TIGAR: variants seen among roughly 807,000 people sequenced by gnomAD.
The protein encoded by TIGAR is TP53 induced glycolysis regulatory phosphatase.
A neutral mutation model predicts 17.9 loss-of-function variants in TIGAR; 7 were observed. That is an observed-to-expected ratio of 0.39 (90% CI 0.22 to 0.73). The LOEUF (loss-of-function observed/expected upper bound fraction) is 0.73, where lower values mean the gene tolerates loss of function less well. TIGAR is among the 30% of genes least tolerant of loss of function. The probability of loss-of-function intolerance (pLI) is 0.42; values close to 1 mark genes in which losing one functional copy is unlikely to be tolerated. For synonymous variants in TIGAR, 94 were observed against 108.6 expected, an observed-to-expected ratio of 0.87 and a Z score of 0.84; for missense variants, 258 against 327.4, an observed-to-expected ratio of 0.79 and a Z score of 1.64.
At chr12:4,351,472 A>C (rs181424587) in intron 5 of TIGAR, 95 bp downstream of exon 5, 2 of 909,246 alleles carry the variant, frequency 2.2e-6, no homozygotes, top group Non-Finnish European at 3.4e-6. Context: ...TGCTTGGTTC[A>C]TTCTCTTTTC....
rs1205444610 is a variant in TIGAR, at chr12:4,338,132, T to TA, written c.192+981dup. 1.1e-4 allele frequency among the ~76,000 whole-genome samples: 9 copies of TA among 78,836 alleles called. No homozygotes were observed. The East Asian group carries it at 2.4e-3, about 21-fold the overall frequency. 51.7% of individuals were successfully genotyped at this position (78,836 alleles called of 152,430 possible). A position where few individuals can be genotyped will look rare whatever the true frequency, so the allele number is the denominator to read the frequency against. ...CAGAGCAAGACTCTTGTCTCGAAAA[T>TA]AAAAAAAAAGTAAAATTAAAAACGA... On this transcript the variant is annotated intron_variant, in intron 3 of 5. Transcript: ENST00000179259.
At chr12:4,349,733 C>A in intron 3 of TIGAR, 86 bp from the exon 4 acceptor site, 1 of 1,148,226 alleles carries the variant, frequency 8.7e-7, no homozygotes, top group Non-Finnish European at 1.2e-6. Context: ...CTTTTTTATT[C>A]ACTAAGATGA....
At chr12:4,324,239 A>G (rs201396064) in intron 1 of TIGAR, 4 of 611,680 alleles carry the variant, frequency 6.5e-6, no homozygotes, top group Non-Finnish European at 8.6e-6. Flanking sequence ...ACCATCACCT[A>G]TCCAGCACTA....
intron 1 of TIGAR, chr12:4,324,386 T>C: frequency 8.8e-7 from 1 of 1,142,646 alleles, no homozygotes; most frequent in East Asian, 2.3e-5. Context: ...TTGAGGGGGA[T>C]GAAGCGGGAG....
chr12:4,328,092 A>G (rs185537971), intron 1 of TIGAR, among the ~76,000 whole-genome samples: 23 of 152,336 alleles, frequency 1.5e-4, no homozygotes, highest in African/African-American at 5.5e-4. Flanking sequence ...CAGGTTCCCC[A>G]TGTTTGCCCT....
chr12:4,324,249 ACTGAAGGGT>A, intron 1 of TIGAR: 1 of 620,044 alleles, frequency 1.6e-6, no homozygotes, highest in Non-Finnish European at 2.8e-6. Flanking sequence ...ATCCAGCACT[ACTGAAGGGT>A]CTGGTTCCTT....
At chr12:4,323,384 T>C (rs1359892816) in intron 1 of TIGAR, among the ~76,000 whole-genome samples, 1 of 152,228 alleles carries the variant, frequency 6.6e-6, no homozygotes, top group Non-Finnish European at 1.5e-5. Flanking sequence ...GTCATATAAA[T>C]ATGGATTTTA....
intron 2 of TIGAR, among the ~76,000 whole-genome samples, chr12:4,336,260 T>C (rs563204357): frequency 7.2e-5 from 11 of 152,322 alleles, no homozygotes; most frequent in African/African-American, 1.9e-4. Context: ...CCAAGAATGT[T>C]GTGTTTAGTC....
intron 2 of TIGAR, 134 bp downstream of exon 2, chr12:4,331,451 C>T (rs2120656069): frequency 1.2e-6 from 1 of 811,388 alleles, no homozygotes; most frequent in Non-Finnish European, 2.1e-6. Context: ...ATCAAAGCAT[C>T]ATAACCACAG....
chr12:4,325,565 A>AC (rs1338768660), intron 1 of TIGAR, among the ~76,000 whole-genome samples: 3 of 151,602 alleles, frequency 2.0e-5, no homozygotes, highest in African/African-American at 7.3e-5. Flanking sequence ...ACATGGTGAA[A>AC]CCCCGTCTCT....
At position 4,334,223 on chromosome 12, in the gene TIGAR, CTG is replaced by C. The variant is rs568815141; in HGVS notation, c.71-2813_71-2812del. On this transcript the variant is annotated intron_variant, in intron 2 of 5. Coordinates refer to ENST00000179259, the MANE Select transcript of TIGAR (RefSeq NM_020375.3). ...CTTAAACAATACACAGTTCTAGAGA[CTG>C]TGAATTCCAAGATCAGGGTGCCAGC... Among the ~76,000 whole-genome samples, 122 of 152,304 alleles carry C rather than the reference CTG, an allele frequency of 8.0e-4. 2 individuals are homozygous for C. Among genetic ancestry groups the C allele is most frequent in the South Asian group, 5.0e-3 (24 of 4,826 alleles).
At chr12:4,334,313 C>T (rs1864635755) in intron 2 of TIGAR, among the ~76,000 whole-genome samples, 1 of 152,122 alleles carries the variant, frequency 6.6e-6, no homozygotes, top group African/African-American at 2.4e-5. Context: ...TGGTTAATAT[C>T]CTCACATGGC....
chr12:4,323,102 C>CAAAAAAA (rs574120048), intron 1 of TIGAR, among the ~76,000 whole-genome samples: 1 of 90,978 alleles, frequency 1.1e-5, no homozygotes, highest in African/African-American at 4.1e-5. Flanking sequence ...CTCCTCTCTA[C>CAAAAAAA]AAAAAAAAAA....
chr12:4,330,873 C>T (rs1240083409), intron 1 of TIGAR, among the ~76,000 whole-genome samples: 2 of 152,192 alleles, frequency 1.3e-5, no homozygotes, highest in Non-Finnish European at 2.9e-5. Flanking sequence ...GATTCTCTTT[C>T]ACTTGCTCAT....
intron 4 of TIGAR, 138 bp from the exon 5 acceptor site, chr12:4,351,129 T>A: frequency 1.4e-6 from 1 of 723,518 alleles, no homozygotes; most frequent in Non-Finnish European, 2.3e-6. Flanking sequence ...CATTATCAGT[T>A]CAGAGGAGAT....
rs773816230 is a variant in TIGAR at position 4,359,031 on chromosome 12, C to T, written c.*6340C>T. Among the ~76,000 whole-genome samples, 9 of 151,778 alleles carry T rather than the reference C, an allele frequency of 5.9e-5. No individual in the cohort carries two copies. The highest frequency in any genetic ancestry group is 1.0e-4 in the Non-Finnish European group (7 of 67,988). ...CTTGGTCATGTCAGGAGGGACAGGA[C>T]GTTGTATCAATATGTCTGGTTCCTC... On this transcript the variant is annotated 3_prime_UTR_variant, in exon 6 of 6. Transcript: ENST00000179259.
At position 4,352,289 on chromosome 12, in the gene TIGAR, A is replaced by C. The variant is rs1324158911; in HGVS notation, c.411A>C (p.Glu137Asp). 6.2e-7 allele frequency: 1 copy of C among 1,610,688 alleles called. No individual in the cohort carries two copies. Among genetic ancestry groups the C allele is most frequent in the Non-Finnish European group, 8.5e-7 (1 of 1,178,560 alleles). ...QVKMRGIDFF[E>D]FLCQLILKEA... ...AAATGCGTGGAATAGACTTTTTTGA[A>C]TTTCTTTGTCAACTAATCCTGAAAG... Residue 137 changes from glutamate (E) to aspartate (D), a missense_variant, in exon 6 of 6, where the codon GAA (glutamate) becomes GAC (aspartate). Physicochemically the swap from Glu to Asp is conservative, Grantham distance 45. Transcript: ENST00000179259.
chr12:4,341,341 C>T lies in TIGAR; in HGVS notation c.192+4181C>T, dbSNP rs187473283. ...AGTCTGCAGCTCCCAGCGTGAGCGA[C>T]GCAGAAGACGGGTGATTTCTGCATT... On this transcript the variant is annotated intron_variant, in intron 3 of 5. Coordinates refer to ENST00000179259, the MANE Select transcript of TIGAR (RefSeq NM_020375.3). Among the ~76,000 whole-genome samples the T allele has an allele frequency of 3.9e-5, 6 of 152,286 alleles. No individual in the cohort carries two copies. The East Asian group carries it at 7.7e-4, about 20-fold the overall frequency.
In TIGAR at chr12:4,321,244, G is replaced by T. The variant is rs959220974; in HGVS notation, c.-28G>T. 2 of 1,600,142 alleles carry T rather than the reference G, an allele frequency of 1.2e-6. No individual in the cohort carries two copies. Among genetic ancestry groups the T allele is most frequent in the South Asian group, 1.1e-5 (1 of 91,076 alleles). ...CAGTGCAGGGGCAGCGCGGCGCGGG[G>T]CCACCGACGGGACGCGGCTCCGGGA... On this transcript the variant is annotated 5_prime_UTR_variant, in exon 1 of 6. Coordinates refer to ENST00000179259, the MANE Select transcript of TIGAR (RefSeq NM_020375.3). This position sits in a 1 kb window ranked among gnomAD's most constrained non-coding sequence, Gnocchi z 5.2.
Sources: allele counts gnomAD v4.1 joint callset (sites outside exome capture counted in the v4.1 genomes callset), GRCh38; gene constraint gnomAD v4.1.1; non-coding constraint Gnocchi (gnomAD v3.1); transcripts MANE v1.5; gene names NCBI Gene and HGNC (gene_info 2026-07-23, HGNC 2026-07-21).